CTBP2: variants seen among roughly 807,000 people sequenced by gnomAD.
CTBP2 encodes C-terminal-binding protein 2.
In CTBP2, 30 loss-of-function variants were observed where a neutral mutation model predicts 80.3. That is an observed-to-expected ratio of 0.37 (90% CI 0.28 to 0.51). The LOEUF (loss-of-function observed/expected upper bound fraction) is 0.51. CTBP2 is among the 20% of genes least tolerant of loss of function. The probability of loss-of-function intolerance (pLI) is 0.93; values close to 1 mark genes in which losing one functional copy is unlikely to be tolerated. For synonymous variants in CTBP2, 594 were observed against 587.4 expected (o/e 1.01, Z -0.16); for missense variants, 1,212 against 1,375.3 (o/e 0.88, Z 1.88).
chr10:125,053,092 A>AG (rs200724593), intron 2 of CTBP2, among the ~76,000 whole-genome samples: 22,820 of 148,776 alleles, frequency 0.15, 2,014 homozygotes, highest in African/African-American at 0.26. Flanking sequence ...GAAGAGAGAG[A>AG]AAAAAAAAGA....
At chr10:125,070,589 T>C (rs989476606) in intron 2 of CTBP2, among the ~76,000 whole-genome samples, 6 of 149,726 alleles carry the variant, frequency 4.0e-5, no homozygotes, top group East Asian at 1.9e-4. Flanking sequence ...ATAATAATGA[T>C]TACCAATTTT....
chr10:125,023,288 A>T (rs1056411398), intron 1 of CTBP2, among the ~76,000 whole-genome samples: 5 of 152,228 alleles, frequency 3.3e-5, no homozygotes, highest in African/African-American at 1.2e-4. Context: ...TGCGTTTCTC[A>T]CATCTGAAAC....
intron 1 of CTBP2, among the ~76,000 whole-genome samples, chr10:125,012,574 G>A (rs1036277835): frequency 3.9e-5 from 6 of 152,140 alleles, no homozygotes; most frequent in African/African-American, 1.4e-4. Flanking sequence ...TACCCCACTC[G>A]TGTGGCCGAT....
At chr10:125,135,327 C>T (rs940290942) in intron 1 of CTBP2, among the ~76,000 whole-genome samples, 2 of 152,210 alleles carry the variant, frequency 1.3e-5, no homozygotes, top group Non-Finnish European at 2.9e-5. Flanking sequence ...GCCAAGGATT[C>T]CCATCTGAGG....
intron 2 of CTBP2, among the ~76,000 whole-genome samples, chr10:125,101,563 A>G (rs1165572786): frequency 1.3e-5 from 2 of 152,220 alleles, no homozygotes; most frequent in Non-Finnish European, 2.9e-5. Flanking sequence ...GCTTGATAGG[A>G]AAACATTATT....
intron 1 of CTBP2, among the ~76,000 whole-genome samples, chr10:125,145,188 T>A (rs1379512448): frequency 6.6e-6 from 1 of 152,196 alleles, no homozygotes; most frequent in African/African-American, 2.4e-5. Context: ...GGGGAGTGGT[T>A]TGTTTTTGAA....
At chr10:125,101,787 C>G (rs981939782) in intron 2 of CTBP2, among the ~76,000 whole-genome samples, 9 of 152,226 alleles carry the variant, frequency 5.9e-5, no homozygotes, top group Non-Finnish European at 1.0e-4. Flanking sequence ...GCGAGCAGGG[C>G]ATCTCCCACA....
At chr10:125,145,126 T>G (rs1476804274) in intron 1 of CTBP2, among the ~76,000 whole-genome samples, 1 of 152,240 alleles carries the variant, frequency 6.6e-6, no homozygotes, top group Non-Finnish European at 1.5e-5. Flanking sequence ...CTTTCAACCA[T>G]TTTTCATGCC....
intron 1 of CTBP2, among the ~76,000 whole-genome samples, chr10:125,137,611 C>T (rs1217392154): frequency 6.6e-6 from 1 of 152,154 alleles, no homozygotes; most frequent in Non-Finnish European, 1.5e-5. Context: ...TTTACATTGG[C>T]TGTGTTTATA....
chr10:124,995,275 T>G (rs919787011), intron 4 of CTBP2, among the ~76,000 whole-genome samples: 1 of 152,218 alleles, frequency 6.6e-6, no homozygotes, highest in African/African-American at 2.4e-5. Context: ...CCTGTCCCAC[T>G]GGTGGGGCCT....
intron 2 of CTBP2, among the ~76,000 whole-genome samples, chr10:125,095,160 T>G (rs967466971): frequency 1.3e-5 from 2 of 152,134 alleles, no homozygotes; most frequent in Non-Finnish European, 2.9e-5. Flanking sequence ...TTCCCATCCA[T>G]GTCACTGCTC....
chr10:125,098,725 AG>A (rs1318517589), intron 2 of CTBP2, among the ~76,000 whole-genome samples: 19 of 79,962 alleles, frequency 2.4e-4, no homozygotes, highest in African/African-American at 9.7e-4. Context: ...AGAGAGAGAC[AG>A]AGAGAGAGAG....
chr10:125,011,107 C>T (rs1031274806), intron 1 of CTBP2, among the ~76,000 whole-genome samples: 1 of 152,226 alleles, frequency 6.6e-6, no homozygotes, highest in African/African-American at 2.4e-5. Flanking sequence ...TCACCAAGGC[C>T]TCTGAGCACC....
intron 2 of CTBP2, among the ~76,000 whole-genome samples, chr10:125,107,866 C>T (rs1249344755): frequency 6.6e-6 from 1 of 152,206 alleles, no homozygotes; most frequent in Non-Finnish European, 1.5e-5. Flanking sequence ...ACTATTCTAC[C>T]ACCATTTTAC....
At chr10:125,141,462 T>C (rs1386589748) in intron 1 of CTBP2, among the ~76,000 whole-genome samples, 2 of 152,080 alleles carry the variant, frequency 1.3e-5, no homozygotes, top group Admixed American at 6.5e-5. Context: ...CTCTGGGCTT[T>C]CCACAAACCA....
intron 2 of CTBP2, among the ~76,000 whole-genome samples, chr10:125,044,163 C>A (rs1326995873): frequency 6.6e-6 from 1 of 152,196 alleles, no homozygotes; most frequent in Non-Finnish European, 1.5e-5. Context: ...GGATCCCAAA[C>A]GACAGGACTC....
rs1400764948 is a variant in CTBP2 at position 125,026,821 on chromosome 10, C to T, written c.939G>A (p.Gln313=). ...CCAGGACGGCCGGGGAGTCAAAGCCCTGCTGCAGTAGGGCTCCCAGCGTGG... is the reference window on the plus strand; with the variant it reads ...CCAGGACGGCCGGGGAGTCAAAGCCTTGCTGCAGTAGGGCTCCCAGCGTGG... The change falls in exon 1 of 9, where the codon CAG becomes CAA. Residue 313 remains glutamine (Q), a synonymous_variant. Coordinates refer to ENST00000309035, the MANE Select transcript of CTBP2 (RefSeq NM_022802.3). The T allele has an allele frequency of 6.2e-7, 1 of 1,613,510 alleles. No homozygotes were observed.
chr10:125,151,495 AC>A (rs1169630752), intron 1 of CTBP2, among the ~76,000 whole-genome samples: 1 of 152,092 alleles, frequency 6.6e-6, no homozygotes, highest in Non-Finnish European at 1.5e-5. Flanking sequence ...AACCGTGGTC[AC>A]CCCCAAACAC....
At chr10:125,080,966 AAAG>A (rs1251408009) in intron 2 of CTBP2, among the ~76,000 whole-genome samples, 3 of 152,152 alleles carry the variant, frequency 2.0e-5, no homozygotes, top group Admixed American at 1.3e-4. Context: ...AAAAAAAAAA[AAAG>A]GAGATTGAGA....
Sources: gnomAD v4.1 joint callset for allele counts (sites outside exome capture counted in the v4.1 genomes callset) on GRCh38, gnomAD v4.1.1 for gene constraint, MANE v1.5 for transcripts, NCBI Gene and HGNC (gene_info 2026-07-23, HGNC 2026-07-21) for gene names.